RGSL1: variants seen among roughly 807,000 people sequenced by gnomAD.
The protein encoded by RGSL1 is regulator of G protein signaling like 1.
RGSL1 carries 97 observed loss-of-function variants against 124.7 expected under a neutral mutation model. That is an observed-to-expected ratio of 0.78 (90% CI 0.66 to 0.92). RGSL1 has a LOEUF of 0.92. RGSL1 is among the 40% of genes least tolerant of loss of function. The probability of loss-of-function intolerance (pLI) is 0.00; values close to 1 mark genes in which losing one functional copy is unlikely to be tolerated. For missense variants in RGSL1, 1,233 were observed against 1,288.4 expected, an observed-to-expected ratio of 0.96 and a Z score of 0.66; for synonymous variants, 424 against 438.1, an observed-to-expected ratio of 0.97 and a Z score of 0.40.
Position 182,524,616 on chromosome 1 carries a change from G to A in RGSL1, c.1931+2507G>A, listed in dbSNP as rs141720728. Reference sequence around the variant, plus strand: ...ACTACCAAACCTCAGTAAGAATAGTGTAATCTGTGGCATAGTAACTTCTAA... The same window carrying A: ...ACTACCAAACCTCAGTAAGAATAGTATAATCTGTGGCATAGTAACTTCTAA... On this transcript the variant is annotated intron_variant, in intron 10 of 21. Transcript: ENST00000294854. 7.2e-5 allele frequency among the ~76,000 whole-genome samples: 11 copies of A among 152,284 alleles called. No homozygotes were observed. In the East Asian group the frequency reaches 1.9e-3, roughly 27 times the overall value.
At position 182,468,780 on chromosome 1, in the gene RGSL1, A is replaced by T. The variant is rs530551089; in HGVS notation, c.302-3616A>T. On this transcript the variant is annotated intron_variant, in intron 4 of 21. Transcript: ENST00000294854. The stretch of plus-strand genomic sequence containing the variant: ...AGTATAATAAAAATAAAATAAAATA[A>T]AAATAAATAAATAAAAAACAGTGTG... 3.0e-3 allele frequency among the ~76,000 whole-genome samples: 463 copies of T among 152,078 alleles called. 7 individuals carry two copies. In the South Asian group the frequency reaches 0.031, roughly 10 times the overall value.
chr1:182,499,574 ATGT>A (rs1181943947), intron 9 of RGSL1, among the ~76,000 whole-genome samples: 2 of 152,152 alleles, frequency 1.3e-5, no homozygotes, highest in Admixed American at 6.5e-5. Flanking sequence ...GTGTCATTGC[ATGT>A]GAGATGAATC....
In RGSL1 at chr1:182,548,526, C is replaced by T. The variant is rs146629922; in HGVS notation, c.2808+71C>T. 1.4e-4 allele frequency: 209 copies of T among 1,539,160 alleles called. No individual in the cohort carries two copies. In the African/African-American group the frequency reaches 2.6e-3, roughly 19 times the overall value. On this transcript the variant is annotated intron_variant, in intron 16 of 21. Coordinates refer to ENST00000294854, the MANE Select transcript of RGSL1 (RefSeq NM_001137669.2). ...TTCCCCCACAAGGACAATTAGAAAG[C>T]TAATTGTCAGGCACCTCATAAGTCC...
chr1:182,485,401 CA>C (rs1236537031), intron 6 of RGSL1, among the ~76,000 whole-genome samples: 9 of 152,130 alleles, frequency 5.9e-5, no homozygotes, highest in Admixed American at 5.9e-4. Context: ...TTTATGGAGG[CA>C]GGGGCAAGTG....
At chr1:182,514,626 A>T (rs1027317755) in intron 9 of RGSL1, among the ~76,000 whole-genome samples, 1 of 152,130 alleles carries the variant, frequency 6.6e-6, no homozygotes, top group African/African-American at 2.4e-5. Flanking sequence ...AGAGAAGGGG[A>T]CCTGGACCTT....
intron 6 of RGSL1, among the ~76,000 whole-genome samples, chr1:182,479,268 GA>G (rs1380548960): frequency 6.6e-6 from 1 of 151,982 alleles, no homozygotes; most frequent in African/African-American, 2.4e-5. Flanking sequence ...AAAGTTGTAA[GA>G]ATAATTATAA....
At chr1:182,526,519 A>T (rs572450108) in intron 10 of RGSL1, among the ~76,000 whole-genome samples, 1 of 151,876 alleles carries the variant, frequency 6.6e-6, no homozygotes, top group Admixed American at 6.6e-5. Context: ...AAAAACACAA[A>T]CATTATTAGC....
At chr1:182,481,548 C>G (rs569724096) in intron 6 of RGSL1, among the ~76,000 whole-genome samples, 6 of 152,120 alleles carry the variant, frequency 3.9e-5, no homozygotes, top group Non-Finnish European at 7.4e-5. Flanking sequence ...TAAACTCTTC[C>G]CAAAAGTATA....
In RGSL1 at chr1:182,472,418, G is replaced by T. The variant is rs780291172; in HGVS notation, c.324G>T (p.Trp108Cys). The T allele has an allele frequency of 6.5e-7, 1 of 1,549,920 alleles. No individual in the cohort carries two copies. Among genetic ancestry groups the T allele is most frequent in the South Asian group, 1.2e-5 (1 of 83,700 alleles). The change falls in exon 5 of 22, where the codon TGG (tryptophan) becomes TGT (cysteine). Residue 108 changes from tryptophan to cysteine, a missense_variant. By Grantham distance (215) the Trp-to-Cys change is radical (BLOSUM62 -2). Transcript: ENST00000294854. ...PEGGEELVDFWILAENILSID... is the reference protein window; with the variant it reads ...PEGGEELVDFCILAENILSID... ...TAGGTGAAGAATTGGTGGATTTCTG[G>T]ATCCTTGCTGAGAACATCCTGAGCA...
At chr1:182,516,766 A>G (rs1487832494) in intron 9 of RGSL1, among the ~76,000 whole-genome samples, 4 of 152,220 alleles carry the variant, frequency 2.6e-5, no homozygotes, top group Middle Eastern at 3.4e-3. Context: ...CCACAGTTTG[A>G]CTTCAGTTAT....
At chr1:182,454,472 T>A (rs2101980031) in intron 2 of RGSL1, among the ~76,000 whole-genome samples, 1 of 152,274 alleles carries the variant, frequency 6.6e-6, no homozygotes, top group Non-Finnish European at 1.5e-5. Context: ...TCTTCAAATC[T>A]CTGCTTAAAT....
At chr1:182,472,246 T>A in intron 4 of RGSL1, 150 bp from the exon 5 acceptor site, 1 of 661,008 alleles carries the variant, frequency 1.5e-6, no homozygotes, top group South Asian at 3.8e-5. Flanking sequence ...GTAGAACTTT[T>A]CTAGAGATGA....
At chr1:182,559,433 C>T (rs1197763683) in intron 21 of RGSL1, among the ~76,000 whole-genome samples, 2 of 152,154 alleles carry the variant, frequency 1.3e-5, no homozygotes, top group Non-Finnish European at 2.9e-5. Flanking sequence ...TTGGACATGT[C>T]GCTGCTATCC....
chr1:182,467,040 C>G (rs1165689748), intron 4 of RGSL1, among the ~76,000 whole-genome samples: 1 of 152,084 alleles, frequency 6.6e-6, no homozygotes, highest in Admixed American at 6.6e-5. Flanking sequence ...AATAAAATAC[C>G]TAGGAATCCA....
Position 182,529,158 on chromosome 1 carries a change from C to G in RGSL1, c.2126-1086C>G, listed in dbSNP as rs559171943. Among the ~76,000 whole-genome samples, 6 of 152,290 alleles carry G rather than the reference C, an allele frequency of 3.9e-5. No individual in the cohort carries two copies. In the East Asian group the frequency reaches 7.7e-4, roughly 20 times the overall value. On this transcript the variant is annotated intron_variant, in intron 11 of 21. Coordinates refer to ENST00000294854, the MANE Select transcript of RGSL1 (RefSeq NM_001137669.2). ...AAAGGAGCCAAGTCTAAGATACTTT[C>G]ACATGTATCCTTTCATTTAATTTTA...
At chr1:182,471,314 T>C (rs1344314244) in intron 4 of RGSL1, 4 of 457,530 alleles carry the variant, frequency 8.7e-6, no homozygotes, top group South Asian at 6.2e-5. Context: ...GGCAGACCAG[T>C]GGCTACTCCA....
In RGSL1 at chr1:182,465,606, T is replaced by TATA. The variant is rs1176197058; in HGVS notation, c.301+5487_301+5489dup. On this transcript the variant is annotated intron_variant, in intron 4 of 21. Coordinates refer to ENST00000294854, the MANE Select transcript of RGSL1 (RefSeq NM_001137669.2). ...TGCACATGTACCCTAGAACTTAAAA[T>TATA]ATAATAATAATAATAAAAATCTGAG... 1.1e-4 allele frequency among the ~76,000 whole-genome samples: 16 copies of TATA among 152,014 alleles called. No individual in the cohort carries two copies. The East Asian group carries it at 2.9e-3, about 28-fold the overall frequency.
At chr1:182,532,857 A>G (rs1432918481) in intron 14 of RGSL1, 66 bp downstream of exon 14, 1 of 1,487,478 alleles carries the variant, frequency 6.7e-7, no homozygotes, top group East Asian at 2.5e-5. Flanking sequence ...CAGCCCACAT[A>G]AGAAGCTTAT....
chr1:182,558,204 T>C (rs1293238170), intron 21 of RGSL1, among the ~76,000 whole-genome samples: 1 of 152,184 alleles, frequency 6.6e-6, no homozygotes, highest in African/African-American at 2.4e-5. Context: ...AATATTTTTC[T>C]TTGCCCTTGA....
Sources: gnomAD v4.1 joint callset for allele counts (sites outside exome capture counted in the v4.1 genomes callset) on GRCh38, gnomAD v4.1.1 for gene constraint, MANE v1.5 for transcripts, NCBI Gene and HGNC (gene_info 2026-07-23, HGNC 2026-07-21) for gene names.